Variants in DOCK4 observed in about 807,000 individuals in gnomAD.
DOCK4 encodes the protein dedicator of cytokinesis protein 4.
Under a neutral mutation model 268.1 loss-of-function variants are expected in DOCK4, and 97 were observed. That is an observed-to-expected ratio of 0.36 (90% CI 0.31 to 0.43). The LOEUF is 0.43. Ranked by LOEUF, DOCK4 falls within the 20% of genes least tolerant of loss-of-function variation. The probability of loss-of-function intolerance (pLI) is 1.00; values close to 1 mark genes in which losing one functional copy is unlikely to be tolerated. For synonymous variants in DOCK4, 954 were observed against 887.2 expected, an observed-to-expected ratio of 1.08 and a Z score of -1.34; for missense variants, 2,145 against 2,455.7, an observed-to-expected ratio of 0.87 and a Z score of 2.67.
In DOCK4 at chr7:111,963,265, CA is replaced by C. The variant is rs755938391; in HGVS notation, c.701+13866del. On this transcript the variant is annotated intron_variant, in intron 8 of 52. Coordinates refer to ENST00000428084, the MANE Select transcript of DOCK4 (RefSeq NM_001363540.2). ...CTCCCAGCGTGAGCGACGCAGAAGA[CA>C]GGTGATTTCTGCATTTCCATCTGAG... 6.6e-5 allele frequency among the ~76,000 whole-genome samples: 10 copies of C among 150,654 alleles called. No homozygotes were observed. The South Asian group carries it at 8.4e-4, about 13-fold the overall frequency.
chr7:112,069,250 T>C (rs911056730), intron 1 of DOCK4, among the ~76,000 whole-genome samples: 11 of 152,186 alleles, frequency 7.2e-5, no homozygotes, highest in East Asian at 1.9e-4. Context: ...CCTGAGAAGA[T>C]TGAGTTATTG....
At chr7:112,039,069 C>T (rs371006115) in intron 1 of DOCK4, among the ~76,000 whole-genome samples, 36 of 152,220 alleles carry the variant, frequency 2.4e-4, no homozygotes, top group East Asian at 1.9e-3. Flanking sequence ...GGAGGCAGAA[C>T]AGAGAAGCCA....
Position 112,096,163 on chromosome 7 carries a change from T to C in DOCK4, c.38-92032A>G, listed in dbSNP as rs75340503. Among the ~76,000 whole-genome samples the C allele has an allele frequency of 8.6e-3, 1,293 of 149,608 alleles. 16 individuals are homozygous for C. The highest frequency in any genetic ancestry group is 0.03 in the African/African-American group (1,225 of 40,924). ...TTCAACTATATAAAATTTGTGTGTG[T>C]GTGTGATATTTTTAGGGCATTCTTT... On this transcript the variant is annotated intron_variant, in intron 1 of 52. Coordinates refer to ENST00000428084, the MANE Select transcript of DOCK4 (RefSeq NM_001363540.2).
chr7:111,907,156 C>A (rs1586330584), intron 13 of DOCK4, among the ~76,000 whole-genome samples: 1 of 148,626 alleles, frequency 6.7e-6, no homozygotes, highest in African/African-American at 2.5e-5. Context: ...ATCTCCAATT[C>A]TCACACAAGA....
intron 26 of DOCK4, among the ~76,000 whole-genome samples, chr7:111,831,489 CT>C (rs112825399): frequency 1.5e-3 from 221 of 143,732 alleles, no homozygotes; most frequent in Non-Finnish European, 1.5e-3. Flanking sequence ...TTTCCTTTTT[CT>C]TTTTTTTTTT....
At chr7:111,916,980 G>GTTTTTT (rs749349556) in intron 12 of DOCK4, among the ~76,000 whole-genome samples, 4 of 83,996 alleles carry the variant, frequency 4.8e-5, no homozygotes, top group Non-Finnish European at 6.7e-5. Flanking sequence ...TTTCCCCCAT[G>GTTTTTT]TTTTTTTTTT....
chr7:112,012,814 T>A (rs1349626839), intron 1 of DOCK4, among the ~76,000 whole-genome samples: 2 of 152,152 alleles, frequency 1.3e-5, no homozygotes. Context: ...AGAAAAGAAA[T>A]GTTATATCCC....
intron 1 of DOCK4, among the ~76,000 whole-genome samples, chr7:112,040,409 G>C (rs1016447575): frequency 6.6e-6 from 1 of 152,294 alleles, no homozygotes; most frequent in Non-Finnish European, 1.5e-5. Context: ...GGATGTTGTA[G>C]GAGAAAATTT....
rs1400719623 is a variant in DOCK4 at position 111,912,801 on chromosome 7, AGT to A, written c.1192+2976_1192+2977del. ...GTCATAGCCCTGTGTTCCTAGGGAC[AGT>A]GTGAAATTTCTAGAACTCTAGTGGT... is the stretch of plus-strand genomic sequence containing the variant. On this transcript the variant is annotated intron_variant, in intron 13 of 52. Coordinates refer to ENST00000428084, the MANE Select transcript of DOCK4 (RefSeq NM_001363540.2). 3.3e-5 allele frequency among the ~76,000 whole-genome samples: 5 copies of A among 152,254 alleles called. No homozygotes were observed. The East Asian group carries it at 5.8e-4, about 18-fold the overall frequency.
intron 23 of DOCK4, among the ~76,000 whole-genome samples, chr7:111,848,702 TA>T (rs1804303911): frequency 6.6e-6 from 1 of 151,900 alleles, no homozygotes; most frequent in Non-Finnish European, 1.5e-5. Context: ...CAAAGCTGGA[TA>T]AAAAGGGAAA....
At chr7:111,782,735 T>C (rs1798865705) in intron 35 of DOCK4, 129 bp downstream of exon 35, 2 of 1,011,396 alleles carry the variant, frequency 2.0e-6, no homozygotes, top group Non-Finnish European at 1.5e-6. Flanking sequence ...TTAAAAACAC[T>C]TGTAAATTTA....
intron 22 of DOCK4, among the ~76,000 whole-genome samples, chr7:111,866,455 A>T (rs1805982799): frequency 6.6e-6 from 1 of 152,256 alleles, no homozygotes; most frequent in Non-Finnish European, 1.5e-5. Flanking sequence ...ACATTTACAT[A>T]TTATCTCTTG....
intron 1 of DOCK4, among the ~76,000 whole-genome samples, chr7:112,191,169 C>A (rs892819981): frequency 1.3e-5 from 2 of 152,170 alleles, no homozygotes; most frequent in Non-Finnish European, 2.9e-5. Context: ...CAGCTCACTG[C>A]AGCCTCAAAC....
At position 111,728,090 on chromosome 7, in the gene DOCK4, C is replaced by T. The variant is rs1794768731; in HGVS notation, c.*184G>A. 2.3e-6 allele frequency: 1 copy of T among 429,616 alleles called. No homozygotes were observed. Among genetic ancestry groups the T allele is most frequent in the Non-Finnish European group, 3.9e-6 (1 of 254,640 alleles). 26.6% of individuals were successfully genotyped at this position (429,616 alleles called of 1,614,324 possible). On this transcript the variant is annotated 3_prime_UTR_variant, in exon 53 of 53. Coordinates refer to ENST00000428084, the MANE Select transcript of DOCK4 (RefSeq NM_001363540.2). ...TGAAATTCAGCCATACTTCATTTAA[C>T]ATCTGGCGTTTTAGATCAGCAACTT...
intron 1 of DOCK4, among the ~76,000 whole-genome samples, chr7:112,008,906 T>C (rs1001926270): frequency 2.6e-5 from 4 of 152,110 alleles, no homozygotes; most frequent in Admixed American, 6.5e-5. Flanking sequence ...AGCAGGAGAA[T>C]CGCTTGAACC....
At chr7:111,982,990 C>T (rs574456839) in intron 7 of DOCK4, among the ~76,000 whole-genome samples, 4 of 152,204 alleles carry the variant, frequency 2.6e-5, no homozygotes, top group African/African-American at 4.8e-5. Context: ...TTTCTTTCTT[C>T]GCCTCCCACT....
chr7:112,032,582 C>A (rs1456103693), intron 1 of DOCK4, among the ~76,000 whole-genome samples: 2 of 152,084 alleles, frequency 1.3e-5, no homozygotes, highest in Non-Finnish European at 2.9e-5. Flanking sequence ...TGAATTCCTC[C>A]CTACACAACA....
chr7:112,140,141 G>A (rs1369527472), intron 1 of DOCK4, among the ~76,000 whole-genome samples: 1 of 152,052 alleles, frequency 6.6e-6, no homozygotes, highest in African/African-American at 2.4e-5. Context: ...GATCTAGTCC[G>A]AGAATAAAAA....
intron 1 of DOCK4, among the ~76,000 whole-genome samples, chr7:112,166,818 T>C (rs1322386802): frequency 6.6e-6 from 1 of 152,148 alleles, no homozygotes; most frequent in East Asian, 1.9e-4. Context: ...CTGATAACTA[T>C]ATCTGTTTTA....
Sources: gnomAD v4.1 joint callset for allele counts (sites outside exome capture counted in the v4.1 genomes callset) on GRCh38, gnomAD v4.1.1 for gene constraint, MANE v1.5 for transcripts, NCBI Gene and HGNC (gene_info 2026-07-23, HGNC 2026-07-21) for gene names.